Variants in AKAP8 observed in about 807,000 individuals in gnomAD.
AKAP8 encodes the protein A-kinase anchoring protein 8, also known as A-kinase anchor protein 8.
A neutral mutation model predicts 67.5 loss-of-function variants in AKAP8; 24 were observed. The observed-to-expected ratio is 0.36, with a 90% CI of 0.26 to 0.50. The LOEUF is 0.50. AKAP8 is among the 20% of genes least tolerant of loss of function. The pLI, the probability that AKAP8 is intolerant of heterozygous loss-of-function variation, is 0.97. For synonymous variants in AKAP8, 400 were observed against 371.1 expected, an observed-to-expected ratio of 1.08 and a Z score of -0.90; for missense variants, 971 against 955.9, an observed-to-expected ratio of 1.02 and a Z score of -0.21.
At chr19:15,377,877 C>G (rs1314348243) in intron 1 of AKAP8, among the ~76,000 whole-genome samples, 3 of 152,186 alleles carry the variant, frequency 2.0e-5, no homozygotes, top group African/African-American at 4.8e-5. Context: ...ACACCCCCCG[C>G]CCACTATGGC....
chr19:15,357,527 G>A (rs552369240), intron 13 of AKAP8, among the ~76,000 whole-genome samples: 26 of 149,828 alleles, frequency 1.7e-4, no homozygotes, highest in Non-Finnish European at 2.8e-4. Context: ...AGGATCTCTT[G>A]AGCTCAGGAA....
In AKAP8 at chr19:15,355,176, G is replaced by A. The variant is rs745410158; in HGVS notation, c.1818C>T (p.Asp606=). 9.9e-6 allele frequency: 16 copies of A among 1,612,098 alleles called. No individual in the cohort carries two copies. Among genetic ancestry groups the A allele is most frequent in the Middle Eastern group, 1.6e-4 (1 of 6,084 alleles). Residue 606 remains aspartate (D), a synonymous_variant, in exon 14 of 14, where the codon GAC becomes GAT. Coordinates refer to ENST00000269701, the MANE Select transcript of AKAP8 (RefSeq NM_005858.4). ...CCTCCGCTGTGTCCGTGGGGCCTTC[G>A]TCCTCAGCCGGCTCCCCGCTGCTCT... is the stretch of plus-strand genomic sequence containing the variant. ...APESSGEPAE[D]EGPTDTAEAG... is the part of the protein sequence containing the mutation.
chr19:15,371,528 G>A (rs1311883398), intron 7 of AKAP8, among the ~76,000 whole-genome samples: 1 of 149,866 alleles, frequency 6.7e-6, no homozygotes, highest in South Asian at 2.1e-4. Context: ...TCCCTCTGTC[G>A]CCCAGGCTGG....
In AKAP8 at chr19:15,373,627, C is replaced by T. The variant is rs1480346630; in HGVS notation, c.371+159G>A. 4.9e-6 allele frequency: 5 copies of T among 1,022,812 alleles called. No homozygotes were observed. In the African/African-American group the frequency reaches 8.1e-5, roughly 17 times the overall value. 63.4% of individuals were successfully genotyped at this position (1,022,812 alleles called of 1,614,324 possible). A position where few individuals can be genotyped will look rare whatever the true frequency, so the allele number is the denominator to read the frequency against. Reference sequence around the variant, plus strand: ...CGCCATGAAGAAAAGCAAGGAAGTCCTACTGTAACATCACTGACCCCCCAC... The same window carrying T: ...CGCCATGAAGAAAAGCAAGGAAGTCTTACTGTAACATCACTGACCCCCCAC... On this transcript the variant is annotated intron_variant, in intron 4 of 13. Transcript: ENST00000269701.
rs1352238118 is a variant in AKAP8, at chr19:15,371,939, C to T, written c.1038+13G>A. ...CCCACACTAGAGGCAAAAGGGCTGC[C>T]TGGTGGACTTACACCCTTGAATTCT... is the stretch of plus-strand genomic sequence containing the variant. On this transcript the variant is annotated intron_variant, in intron 7 of 13. Coordinates refer to ENST00000269701, the MANE Select transcript of AKAP8 (RefSeq NM_005858.4). 6.2e-7 allele frequency: 1 copy of T among 1,613,948 alleles called. No individual in the cohort carries two copies. Among genetic ancestry groups the T allele is most frequent in the East Asian group, 2.2e-5 (1 of 44,890 alleles).
chr19:15,372,401 C>T, intron 5 of AKAP8, 54 bp from the exon 6 acceptor site: 1 of 1,597,076 alleles, frequency 6.3e-7, no homozygotes. Flanking sequence ...TGAAGATGCC[C>T]CACAGAAAAG....
chr19:15,379,427 C>T, intron 1 of AKAP8: 1 of 408,378 alleles, frequency 2.4e-6, no homozygotes, highest in Non-Finnish European at 4.3e-6. Context: ...CAAAAACGGC[C>T]CACACTGTCT....
intron 1 of AKAP8, 25 bp downstream of exon 1, chr19:15,379,688 T>C (rs1263802008): frequency 6.2e-7 from 1 of 1,605,994 alleles, no homozygotes; most frequent in African/African-American, 1.3e-5. Context: ...CCCTCCCCGC[T>C]CCGCACCCAG....
At chr19:15,357,497 AC>A (rs1385085760) in intron 13 of AKAP8, among the ~76,000 whole-genome samples, 2 of 147,560 alleles carry the variant, frequency 1.4e-5, no homozygotes, top group Non-Finnish European at 3.0e-5. Flanking sequence ...AGTCCCAGCT[AC>A]CTGGCAGGCT....
intron 8 of AKAP8, chr19:15,368,822 C>T: frequency 1.0e-6 from 1 of 985,316 alleles, no homozygotes; most frequent in Non-Finnish European, 1.2e-6. Flanking sequence ...CTCAGCAGGT[C>T]TGACAGTCCT....
intron 3 of AKAP8, among the ~76,000 whole-genome samples, chr19:15,374,266 G>A (rs945321228): frequency 3.3e-5 from 5 of 152,318 alleles, no homozygotes; most frequent in East Asian, 1.9e-4. Flanking sequence ...CCTCAGTGCC[G>A]AGCGGCGGGT....
Position 15,355,211 on chromosome 19 carries a change from G to GC in AKAP8, c.1782dup (p.Pro595AlafsTer11). 1 of 1,611,318 alleles carries GC rather than the reference G, an allele frequency of 6.2e-7. No homozygotes were observed. Among genetic ancestry groups the GC allele is most frequent in the Non-Finnish European group, 8.5e-7 (1 of 1,180,014 alleles). ...GGCTCCCCGCTGCTCTCTGGAGCGG[G>GC]CGCTCCTTCCCCATCTACGGCCCTC... is the stretch of plus-strand genomic sequence containing the variant. On this transcript the variant is annotated frameshift_variant, in exon 14 of 14. Transcript: ENST00000269701. LOFTEE classifies it low-confidence loss of function (END_TRUNC).
chr19:15,364,118 A>AAAAAAAAG (rs1967029211), intron 9 of AKAP8, among the ~76,000 whole-genome samples: 1 of 144,500 alleles, frequency 6.9e-6, no homozygotes, highest in Admixed American at 6.9e-5. Flanking sequence ...CAAAAAAAAA[A>AAAAAAAAG]AAAAAAAGAA....
intron 10 of AKAP8, 44 bp from the exon 11 acceptor site, chr19:15,361,866 C>A (rs377321407): frequency 1.7e-5 from 26 of 1,555,262 alleles, no homozygotes; most frequent in Non-Finnish European, 2.1e-5. Flanking sequence ...GAGAGGTGGG[C>A]GCATGTGGGC....
chr19:15,377,223 G>C (rs1967268334), intron 1 of AKAP8, among the ~76,000 whole-genome samples: 2 of 152,116 alleles, frequency 1.3e-5, no homozygotes, highest in South Asian at 4.1e-4. Flanking sequence ...AGAAAAAGAA[G>C]GGTGGGAAGT....
chr19:15,373,570 G>T lies in AKAP8; in HGVS notation c.371+216C>A. The T allele has an allele frequency of 3.3e-6, 3 of 902,686 alleles. No individual in the cohort carries two copies. The South Asian group carries it at 5.5e-5, about 17-fold the overall frequency. 55.9% of individuals were successfully genotyped at this position (902,686 alleles called of 1,614,324 possible). A position where few individuals can be genotyped will look rare whatever the true frequency, so the allele number is the denominator to read the frequency against. ...GCATGATGTAGAAAAAAGGAGTCTC[G>T]GGGAGCTTAGCCAACAACCACGCCC... is the stretch of plus-strand genomic sequence containing the variant. On this transcript the variant is annotated intron_variant, in intron 4 of 13. Coordinates refer to ENST00000269701, the MANE Select transcript of AKAP8 (RefSeq NM_005858.4).
intron 9 of AKAP8, among the ~76,000 whole-genome samples, chr19:15,366,879 G>A (rs911258970): frequency 6.6e-6 from 1 of 151,814 alleles, no homozygotes. Context: ...AAAGTGGTGG[G>A]ATTACAGGCG....
chr19:15,363,971 T>C (rs1967024104), intron 9 of AKAP8, among the ~76,000 whole-genome samples: 1 of 151,204 alleles, frequency 6.6e-6, no homozygotes, highest in Non-Finnish European at 1.5e-5. Context: ...ATGCCAAGAG[T>C]CGTCACCACT....
Position 15,373,260 on chromosome 19 carries a change from C to T in AKAP8, c.452G>A (p.Ser151Asn). ...CCCCAGGTCGAACTCATAGTCGTAG[C>T]TGTAGCTGGGGCGGTAGGGGTTGTG... ...PEHNPYRPSY[S>N]YDYEFDLGSD... The change falls in exon 5 of 14, where the codon AGC becomes AAC. Residue 151 changes from serine to asparagine, a missense_variant. Coordinates refer to ENST00000269701, the MANE Select transcript of AKAP8 (RefSeq NM_005858.4). 2 of 1,614,000 alleles carry T rather than the reference C, an allele frequency of 1.2e-6. No individual in the cohort carries two copies. Among genetic ancestry groups the T allele is most frequent in the Non-Finnish European group, 1.7e-6 (2 of 1,180,020 alleles).
Sources: allele counts gnomAD v4.1 joint callset (sites outside exome capture counted in the v4.1 genomes callset), GRCh38; gene constraint gnomAD v4.1.1; transcripts MANE v1.5; gene names NCBI Gene and HGNC (gene_info 2026-07-23, HGNC 2026-07-21).